The following TMEM69 variants were observed in gnomAD, a reference collection of about 807,000 sequenced individuals.
TMEM69 encodes the protein chromosome 1 open reading frame 154.
Under a neutral mutation model 15.8 loss-of-function variants are expected in TMEM69, and 17 were observed. That is an observed-to-expected ratio of 1.07 (90% confidence interval 0.73 to 1.61). The LOEUF is 1.61. Among genes scored for constraint, TMEM69 ranks in the 40% most tolerant of loss-of-function variants. TMEM69 has a pLI of 0.00. For missense variants in TMEM69, 230 were observed against 286.1 expected (o/e 0.80, Z 1.41); for synonymous variants, 80 against 98.6 (o/e 0.81, Z 1.12).
In TMEM69 at chr1:45,693,954, C is replaced by A; in HGVS notation, c.*49C>A. 1 of 1,307,766 alleles carries A rather than the reference C, an allele frequency of 7.6e-7. No homozygotes were observed. The highest frequency in any genetic ancestry group is 1.0e-6 in the Non-Finnish European group (1 of 963,500). 81.0% of individuals were successfully genotyped at this position (1,307,766 alleles called of 1,614,324 possible). ...AGGAGCACCTCTGCCCAGCTGCTGC[C>A]CCGTCTGGGAAGTGAGGAGCGCCTC... is the stretch of plus-strand genomic sequence containing the variant. On this transcript the variant is annotated 3_prime_UTR_variant, in exon 3 of 3. Coordinates refer to ENST00000372025, the MANE Select transcript of TMEM69 (RefSeq NM_016486.4).
intron 1 of TMEM69, among the ~76,000 whole-genome samples, chr1:45,688,868 C>T (rs1413808727): frequency 1.3e-5 from 2 of 151,690 alleles, no homozygotes; most frequent in Non-Finnish European, 1.5e-5. Flanking sequence ...CTTGACCCAG[C>T]CCTAAGATCT....
chr1:45,691,147 C>T (rs1441800352), intron 2 of TMEM69, 37 bp downstream of exon 2: 1 of 1,596,946 alleles, frequency 6.3e-7, no homozygotes, highest in South Asian at 1.1e-5. Flanking sequence ...CACTATTTGC[C>T]AAATATTGCT....
intron 1 of TMEM69, among the ~76,000 whole-genome samples, chr1:45,688,729 A>G (rs1645320712): frequency 6.6e-6 from 1 of 151,960 alleles, no homozygotes; most frequent in Non-Finnish European, 1.5e-5. Context: ...CTCTGCGGGC[A>G]TTTTGGTCTG....
intron 1 of TMEM69, among the ~76,000 whole-genome samples, chr1:45,690,008 G>A (rs1320551173): frequency 6.6e-6 from 1 of 151,858 alleles, no homozygotes; most frequent in African/African-American, 2.4e-5. Flanking sequence ...AAAAAAAAAT[G>A]TTACATCAAC....
In TMEM69 at chr1:45,693,186, G is replaced by T. The variant is rs925412535; in HGVS notation, c.43-18G>T. 2.0e-6 allele frequency: 3 copies of T among 1,529,976 alleles called. No homozygotes were observed. Among genetic ancestry groups the T allele is most frequent in the South Asian group, 1.3e-5 (1 of 79,534 alleles). 94.8% of individuals were successfully genotyped at this position (1,529,976 alleles called of 1,614,324 possible). On this transcript the variant is annotated intron_variant, in intron 2 of 2. Coordinates refer to ENST00000372025, the MANE Select transcript of TMEM69 (RefSeq NM_016486.4). ...TATATATTTTTAATTTTGTCTTTTG[G>T]TTCTATTTTCTTTGTAGATACTGAA...
rs199639691 is a variant in TMEM69, at chr1:45,691,076, G to A, written c.8G>A (p.Arg3His). ...CTTTCAATAGGGGCCAGTATGCTTCGCTTCATCCAGAAGTTTTCTCAAGCA... is the reference window on the plus strand; with the variant it reads ...CTTTCAATAGGGGCCAGTATGCTTCACTTCATCCAGAAGTTTTCTCAAGCA... ML[R>H]FIQKFSQASS... is the part of the protein sequence containing the mutation. Residue 3 changes from arginine (R) to histidine (H), a missense_variant, in exon 2 of 3, where the codon CGC becomes CAC. Transcript: ENST00000372025. The A allele has an allele frequency of 1.3e-3, 2,173 of 1,614,114 alleles. 2 individuals are homozygous for A. Among genetic ancestry groups the A allele is most frequent in the Non-Finnish European group, 1.6e-3 (1,909 of 1,180,010 alleles).
At chr1:45,689,085 A>G (rs1645325387) in intron 1 of TMEM69, among the ~76,000 whole-genome samples, 1 of 151,712 alleles carries the variant, frequency 6.6e-6, no homozygotes, top group African/African-American at 2.4e-5. Flanking sequence ...TTGTATTTTT[A>G]GTAGAGACGG....
chr1:45,691,708 G>A (rs971864195), intron 2 of TMEM69, among the ~76,000 whole-genome samples: 1 of 151,866 alleles, frequency 6.6e-6, no homozygotes, highest in African/African-American at 2.4e-5. Context: ...CAGCATGGTG[G>A]TAGGCGCCCG....
At chr1:45,690,632 TTTGG>T (rs879646032) in intron 1 of TMEM69, among the ~76,000 whole-genome samples, 6 of 152,222 alleles carry the variant, frequency 3.9e-5, no homozygotes, top group Non-Finnish European at 5.9e-5. Flanking sequence ...CCAGTTTTGT[TTTGG>T]TTTTTTTTTT....
chr1:45,691,241 C>A, intron 2 of TMEM69, 131 bp downstream of exon 2: 1 of 797,006 alleles, frequency 1.3e-6, no homozygotes, highest in South Asian at 1.5e-5. Flanking sequence ...AAGTAAAATA[C>A]AAGTAAGTAA....
At position 45,693,936 on chromosome 1, in the gene TMEM69, C is replaced by T. The variant is rs376600006; in HGVS notation, c.*31C>T. 5 of 1,429,094 alleles carry T rather than the reference C, an allele frequency of 3.5e-6. No homozygotes were observed. In the African/African-American group the frequency reaches 7.1e-5, roughly 20 times the overall value. 88.5% of individuals were successfully genotyped at this position (1,429,094 alleles called of 1,614,324 possible). A position where few individuals can be genotyped will look rare whatever the true frequency, so the allele number is the denominator to read the frequency against. ...ATAAAAGTCTGGGAAGTGAGGAGCA[C>T]CTCTGCCCAGCTGCTGCCCCGTCTG... On this transcript the variant is annotated 3_prime_UTR_variant, in exon 3 of 3. Coordinates refer to ENST00000372025, the MANE Select transcript of TMEM69 (RefSeq NM_016486.4).
chr1:45,688,773 A>G lies in TMEM69; in HGVS notation c.-96+498A>G, dbSNP rs573273668. On this transcript the variant is annotated intron_variant, in intron 1 of 2. Coordinates refer to ENST00000372025, the MANE Select transcript of TMEM69 (RefSeq NM_016486.4). ...GTGGGTGGGTGTGGGTGTGATCTAAATTCTACTCGGAGGCCCAGGATTACT... is the reference window on the plus strand; with the variant it reads ...GTGGGTGGGTGTGGGTGTGATCTAAGTTCTACTCGGAGGCCCAGGATTACT... Among the ~76,000 whole-genome samples, 8 of 152,218 alleles carry G rather than the reference A, an allele frequency of 5.3e-5. No individual in the cohort carries two copies. The East Asian group carries it at 1.5e-3, about 29-fold the overall frequency.
At position 45,693,726 on chromosome 1, in the gene TMEM69, GTAA is replaced by G; in HGVS notation, c.570_572del (p.Ile190del). ...AAGACTTAGTGAAGCCATAGTCACA[GTAA>G]TAATGGGTATGGGAGTAGCATTCCA... On this transcript the variant is annotated inframe_deletion, in exon 3 of 3. Coordinates refer to ENST00000372025, the MANE Select transcript of TMEM69 (RefSeq NM_016486.4). 1.2e-6 allele frequency: 2 copies of G among 1,614,192 alleles called. No homozygotes were observed. The highest frequency in any genetic ancestry group is 1.7e-6 in the Non-Finnish European group (2 of 1,180,036).
chr1:45,690,495 CTT>C (rs1320108854), intron 1 of TMEM69, among the ~76,000 whole-genome samples: 1 of 152,078 alleles, frequency 6.6e-6, no homozygotes, highest in African/African-American at 2.4e-5. Context: ...CAGCAAGACT[CTT>C]GTCTCAAAAC....
chr1:45,691,021 C>G lies in TMEM69; in HGVS notation c.-48C>G. 1 of 1,612,036 alleles carries G rather than the reference C, an allele frequency of 6.2e-7. No individual in the cohort carries two copies. Among genetic ancestry groups the G allele is most frequent in the South Asian group, 1.1e-5 (1 of 90,990 alleles). ...CTCTGCTTAGCTGTAACATGTTAAT[C>G]AGAACTACCTGGCATCTTCCTGAAC... On this transcript the variant is annotated 5_prime_UTR_variant, in exon 2 of 3. In the 5' UTR this introduces an upstream ATG that the reference lacks. Coordinates refer to ENST00000372025, the MANE Select transcript of TMEM69 (RefSeq NM_016486.4).
rs1293647834 is a variant in TMEM69, at chr1:45,693,688, T to G, written c.527T>G (p.Phe176Cys). 6.2e-7 allele frequency: 1 copy of G among 1,614,058 alleles called. No homozygotes were observed. The highest frequency in any genetic ancestry group is 1.3e-5 in the African/African-American group (1 of 74,926). The change falls in exon 3 of 3, where the codon TTC (phenylalanine) becomes TGC (cysteine). Residue 176 changes from phenylalanine (F) to cysteine (C), a missense_variant. Phe to Cys is a radical substitution (Grantham distance 205). Transcript: ENST00000372025. ...CCTCTTTTCTTTTCATGGTTTGCCT[T>G]CCTTATTTCTGAAAGACTTAGTGAA... ...AAPLFFSWFAFLISERLSEAI... is the reference protein window; with the variant it reads ...AAPLFFSWFACLISERLSEAI...
intron 2 of TMEM69, among the ~76,000 whole-genome samples, chr1:45,692,626 C>T (rs1051787192): frequency 2.7e-5 from 4 of 149,848 alleles, no homozygotes; most frequent in African/African-American, 7.6e-5. Context: ...TAAATCAGAC[C>T]GTAGAAGGGT....
chr1:45,690,949 A>T (rs1645340792), intron 1 of TMEM69, 25 bp from the exon 2 acceptor site: 1 of 995,964 alleles, frequency 1.0e-6, no homozygotes, highest in East Asian at 2.4e-5. Flanking sequence ...GAGGAAAATT[A>T]AGTGACACCT....
At chr1:45,689,095 G>A (rs975333460) in intron 1 of TMEM69, among the ~76,000 whole-genome samples, 2 of 151,768 alleles carry the variant, frequency 1.3e-5, no homozygotes, top group East Asian at 1.9e-4. Context: ...AGTAGAGACG[G>A]GGGGGAGGTT....
Sources: gnomAD v4.1 joint callset for allele counts (sites outside exome capture counted in the v4.1 genomes callset) on GRCh38, gnomAD v4.1.1 for gene constraint, MANE v1.5 for transcripts, NCBI Gene and HGNC (gene_info 2026-07-23, HGNC 2026-07-21) for gene names.